KANSL1: variants seen among roughly 807,000 people sequenced by gnomAD.
KANSL1 encodes KAT8 regulatory NSL complex subunit 1.
Under a neutral mutation model 103.6 loss-of-function variants are expected in KANSL1, and 22 were observed. The observed-to-expected ratio is 0.21, with a 90% CI of 0.15 to 0.30. The LOEUF is 0.30. Among genes scored for constraint, KANSL1 ranks in the 10% least tolerant of loss-of-function variants. KANSL1 has a pLI of 1.00. For missense variants in KANSL1, 1,337 were observed against 1,399.8 expected, an observed-to-expected ratio of 0.96 and a Z score of 0.72; for synonymous variants, 600 against 527.6, an observed-to-expected ratio of 1.14 and a Z score of -1.88.
chr17:46,039,194 C>A lies in KANSL1; in HGVS notation c.2225G>T (p.Arg742Leu). 2 of 1,590,194 alleles carry A rather than the reference C, an allele frequency of 1.3e-6. No individual in the cohort carries two copies. The highest frequency in any genetic ancestry group is 8.5e-7 in the Non-Finnish European group (1 of 1,171,808). The change falls in exon 9 of 15, where the codon CGG becomes CTG. Residue 742 changes from arginine (R) to leucine (L), a missense_variant. Physicochemically the swap from Arg to Leu is moderately radical, Grantham distance 102. Coordinates refer to ENST00000432791, the MANE Select transcript of KANSL1 (RefSeq NM_015443.4). Reference protein sequence around the residue: ...TTAKLSHHQTRPDRTHRQHLD... With the variant: ...TTAKLSHHQTLPDRTHRQHLD... ...GTGCTGCCTGTGGGTCCTGTCAGGC[C>A]GGGTTTGGTGATGGGACAGCTCTGA...
intron 2 of KANSL1, among the ~76,000 whole-genome samples, chr17:46,103,988 A>G (rs1236318848): frequency 6.6e-6 from 1 of 152,224 alleles, no homozygotes; most frequent in Admixed American, 6.5e-5. Flanking sequence ...AGATCACGCC[A>G]CTGCACTCTA....
At chr17:46,049,209 CT>C (rs1391181193) in intron 7 of KANSL1, among the ~76,000 whole-genome samples, 2 of 138,098 alleles carry the variant, frequency 1.4e-5, no homozygotes, top group African/African-American at 5.4e-5. Flanking sequence ...TAGAAATGAT[CT>C]CTTTATTTGT....
intron 1 of KANSL1, among the ~76,000 whole-genome samples, chr17:46,185,311 CAAG>C (rs764208352): frequency 2.0e-5 from 3 of 152,226 alleles, no homozygotes; most frequent in African/African-American, 4.8e-5. Flanking sequence ...AACCACCTAA[CAAG>C]AAGAGGCATC....
intron 2 of KANSL1, among the ~76,000 whole-genome samples, chr17:46,132,436 A>C (rs2043910471): frequency 6.6e-6 from 1 of 152,174 alleles, no homozygotes; most frequent in South Asian, 2.1e-4. Flanking sequence ...TCAATAATCC[A>C]ATTTTCCAGT....
At chr17:46,039,619 C>T (rs2077253626) in intron 8 of KANSL1, 83 bp downstream of exon 8, 1 of 1,458,430 alleles carries the variant, frequency 6.9e-7, no homozygotes, top group African/African-American at 1.4e-5. Context: ...CCCCAACATG[C>T]ATGCAAACTA....
chr17:46,139,675 A>C (rs1351279502), intron 2 of KANSL1, among the ~76,000 whole-genome samples: 1 of 152,232 alleles, frequency 6.6e-6, no homozygotes, highest in African/African-American at 2.4e-5. Context: ...CCTAACTGTA[A>C]AAATGTGAAG....
intron 2 of KANSL1, among the ~76,000 whole-genome samples, chr17:46,168,450 C>T (rs1169009877): frequency 2.6e-5 from 4 of 152,064 alleles, no homozygotes; most frequent in Non-Finnish European, 5.9e-5. Flanking sequence ...CACGTTCAAG[C>T]GATTCTCCTG....
intron 2 of KANSL1, among the ~76,000 whole-genome samples, chr17:46,145,039 AGAG>A (rs2044624875): frequency 6.6e-6 from 1 of 152,228 alleles, no homozygotes; most frequent in Non-Finnish European, 1.5e-5. Flanking sequence ...TTTGGTGGTT[AGAG>A]GAGAGGATTT....
chr17:46,091,961 C>T (rs979721087), intron 3 of KANSL1, among the ~76,000 whole-genome samples: 2 of 152,162 alleles, frequency 1.3e-5, no homozygotes, highest in Non-Finnish European at 2.9e-5. Context: ...GGATTACAGG[C>T]ACCCGCCACC....
chr17:46,055,882 A>C (rs960874928), intron 6 of KANSL1, among the ~76,000 whole-genome samples: 2 of 152,246 alleles, frequency 1.3e-5, no homozygotes, highest in Admixed American at 1.3e-4. Context: ...AAAAAACAAA[A>C]GGAGGTATTA....
At position 46,055,616 on chromosome 17, in the gene KANSL1, G is replaced by A. The variant is rs961183290; in HGVS notation, c.1849-4912C>T. On this transcript the variant is annotated intron_variant, in intron 6 of 14. Transcript: ENST00000432791. ...GAATCTTAATAGACTTGAGGGGGGA[G>A]GGGAGACAAGGCAAAGGGGATTTAA... Among the ~76,000 whole-genome samples the A allele has an allele frequency of 7.9e-5, 12 of 152,192 alleles. No individual in the cohort carries two copies. In the South Asian group the frequency reaches 1.5e-3, roughly 18 times the overall value.
chr17:46,171,755 A>T lies in KANSL1; in HGVS notation c.389T>A (p.Val130Asp). The part of the protein sequence containing the change: ...LRAELLGRQP[V>D]LEFSLENLRT... ...AAGATTTTCTAAGGAAAACTCCAAA[A>T]CTGGCTGTCTCCCCAACAGCTCAGC... The change falls in exon 2 of 15, where the codon GTT (valine) becomes GAT (aspartate). Residue 130 changes from valine to aspartate, a missense_variant. Val to Asp is a radical substitution (Grantham distance 152). Around this residue, in one of 2 missense-constraint regions of KANSL1, gnomAD observed 557 missense variants for 476.4 expected, o/e 1.17. Coordinates refer to ENST00000432791, the MANE Select transcript of KANSL1 (RefSeq NM_015443.4). 1 of 1,590,774 alleles carries T rather than the reference A, an allele frequency of 6.3e-7. No individual in the cohort carries two copies. Among genetic ancestry groups the T allele is most frequent in the Non-Finnish European group, 8.5e-7 (1 of 1,170,750 alleles).
chr17:46,199,560 C>T (rs1402158755), intron 1 of KANSL1, among the ~76,000 whole-genome samples: 3 of 152,220 alleles, frequency 2.0e-5, no homozygotes, highest in Non-Finnish European at 4.4e-5. Flanking sequence ...CAAAGTATTA[C>T]AAGAATGCAT....
chr17:46,083,635 A>G (rs2079059002), intron 3 of KANSL1, among the ~76,000 whole-genome samples: 1 of 152,156 alleles, frequency 6.6e-6, no homozygotes, highest in South Asian at 2.1e-4. Flanking sequence ...CCTGGGCTCC[A>G]GCAATCCTCC....
intron 1 of KANSL1, among the ~76,000 whole-genome samples, chr17:46,205,191 T>C (rs2047923494): frequency 6.6e-6 from 1 of 152,338 alleles, no homozygotes; most frequent in South Asian, 2.1e-4. Flanking sequence ...TTGCAGATGA[T>C]ATAATCTTGT....
intron 6 of KANSL1, among the ~76,000 whole-genome samples, chr17:46,053,302 T>A (rs75546272): frequency 0.14 from 21,769 of 151,672 alleles, 2,130 homozygotes; most frequent in Non-Finnish European, 0.22. Context: ...TTTAAAAATT[T>A]AAAAAAATAA....
intron 4 of KANSL1, among the ~76,000 whole-genome samples, chr17:46,071,713 G>C (rs367568443): frequency 6.6e-6 from 1 of 152,102 alleles, no homozygotes; most frequent in Admixed American, 6.6e-5. Flanking sequence ...CTATCCAATA[G>C]GCAACTGCAA....
chr17:46,059,628 CAAA>C (rs146430605), intron 6 of KANSL1, among the ~76,000 whole-genome samples: 2 of 74,354 alleles, frequency 2.7e-5, no homozygotes, highest in Admixed American at 1.8e-4. Context: ...GCTCTGACTC[CAAA>C]AAAAAAAAAA....
chr17:46,053,837 T>A (rs544734103), intron 6 of KANSL1, among the ~76,000 whole-genome samples: 7 of 152,174 alleles, frequency 4.6e-5, no homozygotes, highest in Non-Finnish European at 8.8e-5. Context: ...GAATCTATCC[T>A]GCAGACAAAC....
Sources: allele counts gnomAD v4.1 joint callset (sites outside exome capture counted in the v4.1 genomes callset), GRCh38; gene constraint gnomAD v4.1.1; regional missense constraint gnomAD v4.1.1; transcripts MANE v1.5; gene names NCBI Gene and HGNC (gene_info 2026-07-23, HGNC 2026-07-21).